The following CNTNAP2 variants were observed in gnomAD, a reference collection of about 807,000 sequenced individuals.
CNTNAP2 encodes the protein contactin associated protein 2.
In CNTNAP2, 98 loss-of-function variants were observed where a neutral mutation model predicts 155.2. That is an observed-to-expected ratio of 0.63 (90% confidence interval 0.54 to 0.75). The LOEUF (loss-of-function observed/expected upper bound fraction) is 0.75, where lower values mean the gene tolerates loss of function less well. CNTNAP2 is among the 30% of genes least tolerant of loss of function. The pLI is 0.00. For missense variants in CNTNAP2, 1,727 were observed against 1,688.1 expected, an observed-to-expected ratio of 1.02 and a Z score of -0.40; for synonymous variants, 651 against 631.2, an observed-to-expected ratio of 1.03 and a Z score of -0.47.
intron 1 of CNTNAP2, among the ~76,000 whole-genome samples, chr7:146,401,084 C>A (rs1795707266): frequency 6.6e-6 from 1 of 152,156 alleles, no homozygotes; most frequent in Non-Finnish European, 1.5e-5. Flanking sequence ...AGATGAAGAA[C>A]AAAACAGCAC....
At chr7:147,163,553 C>A (rs1802066938) in intron 8 of CNTNAP2, among the ~76,000 whole-genome samples, 2 of 152,224 alleles carry the variant, frequency 1.3e-5, no homozygotes, top group Non-Finnish European at 1.5e-5. Context: ...TTAGGAAATC[C>A]TCTTTATTAT....
chr7:146,366,398 C>A (rs557020973), intron 1 of CNTNAP2, among the ~76,000 whole-genome samples: 1 of 151,838 alleles, frequency 6.6e-6, no homozygotes, highest in Non-Finnish European at 1.5e-5. Context: ...AATAAGTATA[C>A]GTTATTAAAA....
At chr7:146,775,621 A>C (rs1802376985) in intron 2 of CNTNAP2, among the ~76,000 whole-genome samples, 3 of 151,758 alleles carry the variant, frequency 2.0e-5, no homozygotes, top group Admixed American at 6.6e-5. Context: ...GAAGGAAGGA[A>C]GGAAACAAAG....
chr7:147,988,103 AGG>A (rs1268979112), intron 15 of CNTNAP2, among the ~76,000 whole-genome samples: 1 of 152,188 alleles, frequency 6.6e-6, no homozygotes, highest in African/African-American at 2.4e-5. Context: ...TGGTGGGGGT[AGG>A]GGTTCCAGGC....
At chr7:146,682,237 G>GTA (rs1004976150) in intron 1 of CNTNAP2, among the ~76,000 whole-genome samples, 57 of 151,600 alleles carry the variant, frequency 3.8e-4, no homozygotes, top group African/African-American at 9.7e-4. Flanking sequence ...GTATGTATAT[G>GTA]TATATATATA....
At chr7:147,554,147 T>C (rs189680060) in intron 11 of CNTNAP2, among the ~76,000 whole-genome samples, 1 of 152,262 alleles carries the variant, frequency 6.6e-6, no homozygotes, top group East Asian at 1.9e-4. Flanking sequence ...TTTTGTAGGC[T>C]TTCTCTCCTT....
At chr7:146,585,978 C>T (rs956281816) in intron 1 of CNTNAP2, among the ~76,000 whole-genome samples, 5 of 151,364 alleles carry the variant, frequency 3.3e-5, no homozygotes, top group African/African-American at 1.2e-4. Context: ...GAACTCCAGC[C>T]TGGGTGACAA....
intron 15 of CNTNAP2, among the ~76,000 whole-genome samples, chr7:147,984,682 A>C (rs1801586083): frequency 2.0e-5 from 3 of 152,128 alleles, no homozygotes; most frequent in Admixed American, 2.0e-4. Context: ...AATAGAAGAA[A>C]AGGCATGCAA....
chr7:146,494,941 T>A (rs200700372), intron 1 of CNTNAP2, among the ~76,000 whole-genome samples: 1 of 152,350 alleles, frequency 6.6e-6, no homozygotes, highest in East Asian at 1.9e-4. Flanking sequence ...ACCAACTGCA[T>A]ATAACACTCA....
chr7:146,845,392 C>T (rs934575084), intron 3 of CNTNAP2, among the ~76,000 whole-genome samples: 1 of 152,134 alleles, frequency 6.6e-6, no homozygotes, highest in African/African-American at 2.4e-5. Context: ...GGAGATCTGA[C>T]TTTATTTCTC....
At chr7:146,861,215 G>C (rs1795092353) in intron 3 of CNTNAP2, among the ~76,000 whole-genome samples, 1 of 151,750 alleles carries the variant, frequency 6.6e-6, no homozygotes, top group African/African-American at 2.4e-5. Flanking sequence ...CTCATGCCCA[G>C]CTAATTTTTG....
chr7:146,986,074 G>A (rs1316133804), intron 3 of CNTNAP2, among the ~76,000 whole-genome samples: 1 of 152,010 alleles, frequency 6.6e-6, no homozygotes, highest in Non-Finnish European at 1.5e-5. Flanking sequence ...CTTTAGTGGT[G>A]ATTTGTGAGA....
chr7:146,188,190 C>A (rs909733358), intron 1 of CNTNAP2, among the ~76,000 whole-genome samples: 15 of 152,034 alleles, frequency 9.9e-5, no homozygotes, highest in African/African-American at 3.1e-4. Flanking sequence ...CAAAAAATTC[C>A]ATAAGGAATC....
intron 13 of CNTNAP2, among the ~76,000 whole-genome samples, chr7:147,736,998 A>G (rs7789080): frequency 0.33 from 50,232 of 151,986 alleles, 9,913 homozygotes; most frequent in African/African-American, 0.56. Context: ...AAGTTTGATC[A>G]TCTGAAGCCT....
intron 1 of CNTNAP2, among the ~76,000 whole-genome samples, chr7:146,393,303 G>A (rs73738740): frequency 9.2e-5 from 14 of 152,150 alleles, no homozygotes; most frequent in African/African-American, 3.1e-4. Flanking sequence ...CCCTGAAAGT[G>A]TATTAGGTAT....
chr7:147,021,380 A>G (rs1190954537), intron 3 of CNTNAP2, among the ~76,000 whole-genome samples: 1 of 152,098 alleles, frequency 6.6e-6, no homozygotes, highest in Non-Finnish European at 1.5e-5. Context: ...TATAGACATC[A>G]TTATTTCATA....
intron 3 of CNTNAP2, among the ~76,000 whole-genome samples, chr7:146,961,631 A>G (rs1224140938): frequency 6.6e-6 from 1 of 152,120 alleles, no homozygotes; most frequent in Non-Finnish European, 1.5e-5. Flanking sequence ...GGAAAATTTA[A>G]TGAGAAATGG....
chr7:147,478,197 G>C (rs1798355238), intron 10 of CNTNAP2, among the ~76,000 whole-genome samples: 1 of 151,798 alleles, frequency 6.6e-6, no homozygotes, highest in Admixed American at 6.6e-5. Flanking sequence ...CTGTTGCCCA[G>C]GCTGGGGTTC....
chr7:148,196,123 T>C (rs962671827), intron 18 of CNTNAP2, among the ~76,000 whole-genome samples: 1 of 152,220 alleles, frequency 6.6e-6, no homozygotes, highest in African/African-American at 2.4e-5. Flanking sequence ...TCTAGGAGAA[T>C]ATCCCATTTG....
Sources: allele counts gnomAD v4.1 joint callset (sites outside exome capture counted in the v4.1 genomes callset), GRCh38; gene constraint gnomAD v4.1.1; transcripts MANE v1.5; gene names NCBI Gene and HGNC (gene_info 2026-07-23, HGNC 2026-07-21).